Variants in CPEB1 observed in about 807,000 individuals in gnomAD.
CPEB1 encodes cytoplasmic polyadenylation element binding protein 1, also known as cytoplasmic polyadenylation element-binding protein 1.
Under a neutral mutation model 65.8 loss-of-function variants are expected in CPEB1, and 7 were observed. The observed-to-expected ratio is 0.11, with a 90% CI of 0.06 to 0.20. The LOEUF (loss-of-function observed/expected upper bound fraction) is 0.20. Ranked by LOEUF, CPEB1 falls within the 10% of genes least tolerant of loss-of-function variation. The pLI is 1.00. For missense variants in CPEB1, 551 were observed against 712.2 expected (o/e 0.77, Z 2.58); for synonymous variants, 262 against 260.0 (o/e 1.01, Z -0.08).
intron 4 of CPEB1, among the ~76,000 whole-genome samples, chr15:82,561,500 G>A (rs1480263370): frequency 6.6e-6 from 1 of 152,184 alleles, no homozygotes; most frequent in East Asian, 1.9e-4. Context: ...ACTCAAGAGG[G>A]GATGCTGCCC....
At chr15:82,626,493 G>A (rs2870966) in intron 3 of CPEB1, among the ~76,000 whole-genome samples, 65,093 of 152,008 alleles carry the variant, frequency 0.43, 14,035 homozygotes, top group South Asian at 0.49. Context: ...CTCAAACCCA[G>A]AACACTTCAA....
Position 82,647,220 on chromosome 15 carries a change from C to G in CPEB1, c.-181G>C, listed in dbSNP as rs2047645260. The G allele has an allele frequency of 1.3e-5, 2 of 152,310 alleles. No homozygotes were observed. Among genetic ancestry groups the G allele is most frequent in the South Asian group, 2.1e-4 (1 of 4,824 alleles). 9.4% of individuals were successfully genotyped at this position (152,310 alleles called of 1,614,324 possible). A position where few individuals can be genotyped will look rare whatever the true frequency, so the allele number is the denominator to read the frequency against. On this transcript the variant is annotated 5_prime_UTR_variant, in exon 1 of 13. Transcript: ENST00000684509. ...TCGCGCCACACTACCTGGCCAGCCC[C>G]GCCCCCGAGACTCCCTCTCCGGCGC... is the stretch of plus-strand genomic sequence containing the variant.
At chr15:82,583,666 G>A (rs1054121482) in intron 3 of CPEB1, among the ~76,000 whole-genome samples, 4 of 147,532 alleles carry the variant, frequency 2.7e-5, no homozygotes, top group Non-Finnish European at 5.9e-5. Flanking sequence ...TTTAACTTCA[G>A]GTACTTCTTA....
intron 4 of CPEB1, chr15:82,562,170 T>A (rs79269340): frequency 2.3e-6 from 1 of 435,888 alleles, no homozygotes; most frequent in Non-Finnish European, 4.6e-6. Context: ...TTTTTTTTTT[T>A]AATCTTTAGG....
In CPEB1 at chr15:82,606,234, G is replaced by A. The variant is rs535408573; in HGVS notation, c.271+20959C>T. Reference sequence around the variant, plus strand: ...TGTAATCCCAGCACTTTGGGAGGCCGAGGCAGGCGGATCACTTGAGTTCAG... The same window carrying A: ...TGTAATCCCAGCACTTTGGGAGGCCAAGGCAGGCGGATCACTTGAGTTCAG... On this transcript the variant is annotated intron_variant, in intron 3 of 12. Coordinates refer to ENST00000684509, the MANE Select transcript of CPEB1 (RefSeq NM_001365242.1). Among the ~76,000 whole-genome samples, 57 of 151,358 alleles carry A rather than the reference G, an allele frequency of 3.8e-4. 1 individual carries two copies. The highest frequency in any genetic ancestry group is 1.3e-3 in the African/African-American group (52 of 41,202).
intron 3 of CPEB1, among the ~76,000 whole-genome samples, chr15:82,626,712 A>G (rs1289795140): frequency 2.6e-5 from 4 of 152,218 alleles, no homozygotes; most frequent in South Asian, 2.1e-4. Context: ...AGTAGCCACT[A>G]AACACCTGAA....
upstream of CPEB1, chr15:82,648,130 G>A (rs1214413709): frequency 1.1e-5 from 4 of 356,174 alleles, no homozygotes; most frequent in Admixed American, 4.7e-5. Flanking sequence ...GGGCTCCGCC[G>A]CCCACCCGGA....
chr15:82,613,239 C>G (rs1360418615), intron 3 of CPEB1, among the ~76,000 whole-genome samples: 1 of 152,056 alleles, frequency 6.6e-6, no homozygotes, highest in Non-Finnish European at 1.5e-5. Flanking sequence ...TCCAGGAATG[C>G]GAAGTTGGCT....
In CPEB1 at chr15:82,627,347, T is replaced by C. The variant is rs760880558; in HGVS notation, c.117A>G (p.Ile39Met). The change falls in exon 3 of 13, where the codon ATA (isoleucine) becomes ATG (methionine). Residue 39 changes from isoleucine (I) to methionine (M), a missense_variant. Transcript: ENST00000684509. ...LIPLEEEAGRIKDCWDNQEAP... is the reference protein window; with the variant it reads ...LIPLEEEAGRMKDCWDNQEAP... ...CTTCCTGGTTGTCCCAGCAATCTTT[T>C]ATCCTTCCTGCTTCTTCTTCCTAGA... 6.2e-7 allele frequency: 1 copy of C among 1,612,766 alleles called. No individual in the cohort carries two copies.
intron 6 of CPEB1, among the ~76,000 whole-genome samples, chr15:82,554,371 C>T (rs2150962277): frequency 6.6e-6 from 1 of 152,346 alleles, no homozygotes; most frequent in South Asian, 2.1e-4. Context: ...AGCAATACAA[C>T]ATCTTGCAGG....
intron 3 of CPEB1, among the ~76,000 whole-genome samples, chr15:82,597,883 C>G (rs1180993213): frequency 6.6e-6 from 1 of 152,140 alleles, no homozygotes; most frequent in Non-Finnish European, 1.5e-5. Context: ...TGAAAGAAGA[C>G]TTAACAAAAT....
At chr15:82,598,666 T>C (rs915293607) in intron 3 of CPEB1, among the ~76,000 whole-genome samples, 1 of 152,088 alleles carries the variant, frequency 6.6e-6, no homozygotes, top group Non-Finnish European at 1.5e-5. Flanking sequence ...GTGCCCGTAA[T>C]CCCAACTACT....
At chr15:82,603,891 T>C (rs756386931) in intron 3 of CPEB1, among the ~76,000 whole-genome samples, 3 of 152,232 alleles carry the variant, frequency 2.0e-5, no homozygotes, top group Non-Finnish European at 4.4e-5. Flanking sequence ...ACTTGCTACA[T>C]TATTTCCAAT....
upstream of CPEB1, chr15:82,648,043 G>T: frequency 2.2e-6 from 1 of 446,280 alleles, no homozygotes; most frequent in Non-Finnish European, 3.6e-6. Context: ...CGGATGCGGA[G>T]CACCTGTGTC....
At chr15:82,605,230 A>G (rs1434231136) in intron 3 of CPEB1, among the ~76,000 whole-genome samples, 1 of 152,200 alleles carries the variant, frequency 6.6e-6, no homozygotes, top group Non-Finnish European at 1.5e-5. Flanking sequence ...AACAAATACT[A>G]AAGAGCATCT....
intron 3 of CPEB1, among the ~76,000 whole-genome samples, chr15:82,595,349 G>A (rs755660396): frequency 2.0e-5 from 3 of 152,200 alleles, no homozygotes; most frequent in African/African-American, 7.2e-5. Flanking sequence ...TGGGTCACAT[G>A]GTGATTAACC....
intron 3 of CPEB1, among the ~76,000 whole-genome samples, chr15:82,617,579 T>G (rs1051191560): frequency 6.6e-6 from 1 of 152,120 alleles, no homozygotes; most frequent in African/African-American, 2.4e-5. Context: ...CAGACTACAG[T>G]ATCAATATTG....
chr15:82,617,168 T>C (rs1169659251), intron 3 of CPEB1, among the ~76,000 whole-genome samples: 1 of 152,258 alleles, frequency 6.6e-6, no homozygotes, highest in Non-Finnish European at 1.5e-5. Flanking sequence ...ATGTGGTATA[T>C]ACTCTTTTGT....
chr15:82,607,120 GAC>G (rs1202430384), intron 3 of CPEB1, among the ~76,000 whole-genome samples: 1 of 151,836 alleles, frequency 6.6e-6, no homozygotes, highest in African/African-American at 2.4e-5. Context: ...AGGGGGAAAA[GAC>G]ACAAGACATA....
Sources: gnomAD v4.1 joint callset for allele counts (sites outside exome capture counted in the v4.1 genomes callset) on GRCh38, gnomAD v4.1.1 for gene constraint, MANE v1.5 for transcripts, NCBI Gene and HGNC (gene_info 2026-07-23, HGNC 2026-07-21) for gene names.